MAF: variants seen among roughly 807,000 people sequenced by gnomAD.
MAF encodes transcription factor Maf.
In MAF, 10 loss-of-function variants were observed where a neutral mutation model predicts 22.0. That is an observed-to-expected ratio of 0.45 (90% CI 0.28 to 0.77). The LOEUF is 0.77. Among genes scored for constraint, MAF ranks in the 30% least tolerant of loss-of-function variants. The pLI is 0.12. For synonymous variants in MAF, 337 were observed against 255.8 expected (o/e 1.32, Z -3.03); for missense variants, 544 against 548.4 (o/e 0.99, Z 0.08).
chr16:79,416,262 G>A, the MAF span, among the ~76,000 whole-genome samples: 8 of 152,106 alleles, frequency 5.3e-5, no homozygotes, highest in South Asian at 2.1e-4. Flanking sequence ...GGAGTTCTTG[G>A]GGATTGAGGG....
the MAF span, among the ~76,000 whole-genome samples, chr16:79,548,566 TTACTCCATG>T: frequency 2.0e-5 from 3 of 152,240 alleles, no homozygotes; most frequent in Non-Finnish European, 2.9e-5. Context: ...TGACCATTAG[TTACTCCATG>T]GCTGCATAGA....
At chr16:79,227,622 C>T in the MAF span, among the ~76,000 whole-genome samples, 2 of 151,804 alleles carry the variant, frequency 1.3e-5, no homozygotes, top group Admixed American at 6.6e-5. Context: ...TATGACAAAC[C>T]CCATTCTACG....
At chr16:79,444,675 G>A in the MAF span, among the ~76,000 whole-genome samples, 3 of 152,198 alleles carry the variant, frequency 2.0e-5, no homozygotes, top group Non-Finnish European at 4.4e-5. Flanking sequence ...CAGAGGCCTC[G>A]TCCCTTGGAC....
downstream of MAF, among the ~76,000 whole-genome samples, chr16:79,589,379 A>C (rs1913050968): frequency 6.6e-6 from 1 of 152,202 alleles, no homozygotes; most frequent in Non-Finnish European, 1.5e-5. Flanking sequence ...ACACCACGGA[A>C]ACCCCAAACC....
the MAF span, among the ~76,000 whole-genome samples, chr16:79,573,147 G>C: frequency 5.9e-5 from 9 of 152,248 alleles, no homozygotes; most frequent in East Asian, 1.9e-4. Flanking sequence ...ATTTCCAGGA[G>C]CTATTTATAT....
intron 1 of MAF, chr16:79,595,958 G>C (rs1474247939): frequency 9.4e-7 from 1 of 1,060,420 alleles, no homozygotes; most frequent in Non-Finnish European, 1.1e-6. Context: ...ACTATGATTT[G>C]TCATGTTTAT....
chr16:79,260,793 T>C, the MAF span, among the ~76,000 whole-genome samples: 4 of 152,108 alleles, frequency 2.6e-5, no homozygotes, highest in Non-Finnish European at 5.9e-5. Flanking sequence ...GCATCCAATC[T>C]GTGACTTCAT....
At position 79,598,714 on chromosome 16, in the gene MAF, G is replaced by C; in HGVS notation, c.1118+71C>G. The C allele has an allele frequency of 3.1e-6, 5 of 1,602,536 alleles. No homozygotes were observed. The South Asian group carries it at 3.3e-5, about 11-fold the overall frequency. ...GCGAGCATGGCTCTAGAACTAGCAA[G>C]CCCACACCCGAGCCGGACCCCCGCG... On this transcript the variant is annotated intron_variant, in intron 1 of 1. Coordinates refer to ENST00000326043, the MANE Select transcript of MAF (RefSeq NM_005360.5).
At chr16:79,277,614 C>T in the MAF span, among the ~76,000 whole-genome samples, 1 of 152,176 alleles carries the variant, frequency 6.6e-6, no homozygotes, top group African/African-American at 2.4e-5. Context: ...GAGCCACCTA[C>T]ATTTGTCAGG....
chr16:79,397,326 A>G, the MAF span, among the ~76,000 whole-genome samples: 1 of 152,316 alleles, frequency 6.6e-6, no homozygotes, highest in East Asian at 1.9e-4. Flanking sequence ...ATGCAGATTA[A>G]TGCTGCTTTG....
At chr16:79,394,173 A>G in the MAF span, among the ~76,000 whole-genome samples, 1 of 152,264 alleles carries the variant, frequency 6.6e-6, no homozygotes, top group Non-Finnish European at 1.5e-5. Flanking sequence ...GAGACATCAC[A>G]GACAGTGATG....
chr16:79,365,782 C>A, the MAF span, among the ~76,000 whole-genome samples: 5 of 152,168 alleles, frequency 3.3e-5, no homozygotes, highest in Admixed American at 3.3e-4. Context: ...TTTCCTAGAA[C>A]CATGAAATTG....
At chr16:79,271,196 G>A in the MAF span, among the ~76,000 whole-genome samples, 1 of 151,994 alleles carries the variant, frequency 6.6e-6, no homozygotes, top group Non-Finnish European at 1.5e-5. Context: ...GATTATAGGC[G>A]TGAGCCACCG....
At chr16:79,512,965 C>G in the MAF span, among the ~76,000 whole-genome samples, 1 of 152,230 alleles carries the variant, frequency 6.6e-6, no homozygotes, top group Non-Finnish European at 1.5e-5. Flanking sequence ...TGAGTTGCAA[C>G]ACAAAGGTGC....
the MAF span, among the ~76,000 whole-genome samples, chr16:79,509,751 G>A: frequency 3.3e-5 from 5 of 152,316 alleles, no homozygotes; most frequent in South Asian, 1.0e-3. Context: ...TTTTAGGCCT[G>A]GTTTTGATAT....
At chr16:79,438,358 C>T in the MAF span, among the ~76,000 whole-genome samples, 4 of 152,166 alleles carry the variant, frequency 2.6e-5, no homozygotes, top group Admixed American at 6.5e-5. Context: ...TTAGGTGGCT[C>T]TTAGGCTTCG....
At chr16:79,435,551 T>C in the MAF span, among the ~76,000 whole-genome samples, 4 of 152,196 alleles carry the variant, frequency 2.6e-5, no homozygotes, top group Non-Finnish European at 5.9e-5. Context: ...GTAGATGCTA[T>C]TGTTTTCATC....
the MAF span, among the ~76,000 whole-genome samples, chr16:79,511,276 G>T: frequency 3.9e-5 from 6 of 152,054 alleles, no homozygotes; most frequent in African/African-American, 1.4e-4. Flanking sequence ...GGAAAGAAAA[G>T]ATCCCCCAAC....
At chr16:79,379,538 G>A in the MAF span, among the ~76,000 whole-genome samples, 37 of 151,868 alleles carry the variant, frequency 2.4e-4, no homozygotes, top group African/African-American at 6.8e-4. Context: ...CACAACTAGC[G>A]GGAATTATTT....
Sources: allele counts gnomAD v4.1 joint callset (sites outside exome capture counted in the v4.1 genomes callset), GRCh38; gene constraint gnomAD v4.1.1; transcripts MANE v1.5; gene names NCBI Gene and HGNC (gene_info 2026-07-23, HGNC 2026-07-21).